The following JADE3 variants were observed in gnomAD, a reference collection of about 807,000 sequenced individuals.
JADE3 encodes protein Jade-3.
Under a neutral mutation model 50.1 loss-of-function variants are expected in JADE3, and 2 were observed. That is an observed-to-expected ratio of 0.04 (90% CI 0.02 to 0.13). The LOEUF (loss-of-function observed/expected upper bound fraction) is 0.13, where lower values mean the gene tolerates loss of function less well. Among genes scored for constraint, JADE3 ranks in the 10% least tolerant of loss-of-function variants. The pLI is 1.00. For synonymous variants in JADE3, 218 were observed against 232.9 expected (o/e 0.94, Z 0.58); for missense variants, 475 against 634.4 (o/e 0.75, Z 2.70).
At chrX:47,029,242 T>C (rs1928967974) in intron 6 of JADE3, among the ~76,000 whole-genome samples, 1 of 112,077 alleles carries the variant, frequency 8.9e-6, no homozygotes, top group Admixed American at 9.5e-5. Context: ...AGGGACAACT[T>C]CCAGGAGGTA....
intron 1 of JADE3, among the ~76,000 whole-genome samples, chrX:46,977,968 TG>T (rs1192572196): frequency 5.4e-5 from 6 of 111,194 alleles, no homozygotes; most frequent in African/African-American, 1.6e-4. Context: ...CAGGATTGGG[TG>T]GGGGCAGCAC....
chrX:46,920,909 T>TA (rs1421053661), intron 1 of JADE3, among the ~76,000 whole-genome samples: 1 of 112,043 alleles, frequency 8.9e-6, no homozygotes, highest in Admixed American at 9.4e-5. Flanking sequence ...TCTGGCTTTT[T>TA]AAAATCTTTC....
chrX:46,934,684 C>T (rs964071949), intron 1 of JADE3, among the ~76,000 whole-genome samples: 20 of 109,674 alleles, frequency 1.8e-4, no homozygotes, highest in Non-Finnish European at 3.6e-4. Flanking sequence ...ATCCAACTAC[C>T]TCGGCCTCCC....
rs782379189 is a variant in JADE3 at position 47,024,874 on chromosome X, C to A, written c.435C>A (p.Ile145=). 1.4e-5 allele frequency: 17 copies of A among 1,201,323 alleles called. No individual in the cohort carries two copies. The highest frequency in any genetic ancestry group is 1.9e-5 in the Non-Finnish European group (17 of 886,855). ...VCRYDLDDMD[I]FWLQELNEDL... Reference sequence around the variant, plus strand: ...GCTATGACCTAGATGACATGGACATCTTCTGGCTTCAGGAACTCAATGAAG... The same window carrying A: ...GCTATGACCTAGATGACATGGACATATTCTGGCTTCAGGAACTCAATGAAG... The change falls in exon 5 of 11, where the codon ATC becomes ATA. Residue 145 remains isoleucine (I), a synonymous_variant. Transcript: ENST00000614628.
At chrX:46,969,927 G>A (rs1239370007) in intron 1 of JADE3, among the ~76,000 whole-genome samples, 1 of 112,050 alleles carries the variant, frequency 8.9e-6, no homozygotes, top group Non-Finnish European at 1.9e-5. Context: ...GGCCTCAAAT[G>A]AATAATCTAA....
chrX:46,979,357 G>A lies in JADE3; in HGVS notation c.-11-5527G>A, dbSNP rs147219952. 7.6e-3 allele frequency among the ~76,000 whole-genome samples: 856 copies of A among 112,286 alleles called. 5 individuals carry two copies. The highest frequency in any genetic ancestry group is 0.011 in the Non-Finnish European group (597 of 53,288). Reference sequence around the variant, plus strand: ...TACACATACCCAGAACTTCAGATGAGAGGAGTATCCATCTCACAAGAAGTC... The same window carrying A: ...TACACATACCCAGAACTTCAGATGAAAGGAGTATCCATCTCACAAGAAGTC... On this transcript the variant is annotated intron_variant, in intron 1 of 10. Transcript: ENST00000614628.
intron 3 of JADE3, among the ~76,000 whole-genome samples, chrX:46,996,330 C>T (rs782246606): frequency 4.5e-5 from 5 of 112,319 alleles, no homozygotes; most frequent in South Asian, 7.3e-4. Context: ...CCACTGCACC[C>T]GGCCAGGTTT....
chrX:47,003,064 A>AT (rs781804780), intron 4 of JADE3, among the ~76,000 whole-genome samples: 34 of 110,731 alleles, frequency 3.1e-4, no homozygotes, highest in African/African-American at 8.9e-4. Context: ...TGATCAGGTG[A>AT]TTTTTTTTCT....
intron 1 of JADE3, among the ~76,000 whole-genome samples, chrX:46,964,122 C>T (rs1285158995): frequency 8.9e-6 from 1 of 112,133 alleles, no homozygotes; most frequent in Admixed American, 9.4e-5. Context: ...TGTTTTGAAG[C>T]TTGGATGCTC....
rs1556365899 is a variant in JADE3, at chrX:47,027,951, T to A, written c.535T>A (p.Cys179Ser). ...EKTVEVLERH[C>S]HENMNHAIET... Reference sequence around the variant, plus strand: ...GACAGTAGAAGTCCTGGAACGCCATTGCCATGAAAATATGAACCATGCTAT... The same window carrying A: ...GACAGTAGAAGTCCTGGAACGCCATAGCCATGAAAATATGAACCATGCTAT... The change falls in exon 6 of 11, where the codon TGC becomes AGC. Residue 179 changes from cysteine (C) to serine (S), a missense_variant. Cys to Ser is a moderately radical substitution (Grantham distance 112). This residue lies in a region of JADE3 where 54 missense variants were observed against 156.2 expected (regional missense o/e 0.35). Coordinates refer to ENST00000614628, the MANE Select transcript of JADE3 (RefSeq NM_014735.5). The A allele has an allele frequency of 8.3e-7, 1 of 1,210,547 alleles. No individual in the cohort carries two copies. The highest frequency in any genetic ancestry group is 1.1e-6 in the Non-Finnish European group (1 of 894,655).
At position 47,027,804 on chromosome X, in the gene JADE3, C is replaced by G; in HGVS notation, c.476-88C>G. On this transcript the variant is annotated intron_variant, in intron 5 of 10. Coordinates refer to ENST00000614628, the MANE Select transcript of JADE3 (RefSeq NM_014735.5). ...AGAGATGTTTTTATCCTTTAGAATC[C>G]TACCCACTCCTGCACTGGGCTCACA... The G allele has an allele frequency of 5.4e-6, 4 of 740,856 alleles. No homozygotes were observed. The South Asian group carries it at 7.4e-5, about 14-fold the overall frequency. 61.1% of individuals were successfully genotyped at this position (740,856 alleles called of 1,213,427 possible). A position where few individuals can be genotyped will look rare whatever the true frequency, so the allele number is the denominator to read the frequency against.
intron 3 of JADE3, among the ~76,000 whole-genome samples, 155 bp downstream of exon 3, chrX:46,985,947 C>T (rs1927852254): frequency 9.0e-6 from 1 of 111,326 alleles, no homozygotes; most frequent in African/African-American, 3.3e-5. Context: ...AGATTAATGC[C>T]CTCCCAGAGC....
At chrX:47,051,067 T>A (rs934792569) in intron 8 of JADE3, among the ~76,000 whole-genome samples, 9 of 110,274 alleles carry the variant, frequency 8.2e-5, no homozygotes, top group Non-Finnish European at 1.3e-4. Flanking sequence ...GAGCTTCTTA[T>A]CTGGAAGAAT....
At chrX:46,980,879 G>A (rs981606193) in intron 1 of JADE3, among the ~76,000 whole-genome samples, 4 of 111,206 alleles carry the variant, frequency 3.6e-5, no homozygotes, top group Non-Finnish European at 7.5e-5. Flanking sequence ...ACATTATCCT[G>A]GATTATCTGG....
At chrX:47,004,540 C>T (rs1409038654) in intron 4 of JADE3, among the ~76,000 whole-genome samples, 1 of 112,091 alleles carries the variant, frequency 8.9e-6, no homozygotes, top group Non-Finnish European at 1.9e-5. Flanking sequence ...AAGCAATCTT[C>T]CCACCTCAGC....
intron 7 of JADE3, among the ~76,000 whole-genome samples, chrX:47,035,082 A>G: frequency 9.1e-6 from 1 of 109,918 alleles, no homozygotes; most frequent in Non-Finnish European, 1.9e-5. Context: ...GGGCTTGAAG[A>G]CATTTCTTCT....
At chrX:47,041,771 G>A (rs1556369745) in intron 8 of JADE3, among the ~76,000 whole-genome samples, 1 of 108,730 alleles carries the variant, frequency 9.2e-6, no homozygotes, top group African/African-American at 3.4e-5. Context: ...TGCCTCCTGG[G>A]TTCAAGTGAT....
rs182535675 is a variant in JADE3, at chrX:46,971,138, G to A, written c.-11-13746G>A. Among the ~76,000 whole-genome samples, 4 of 91,856 alleles carry A rather than the reference G, an allele frequency of 4.4e-5. No homozygotes were observed. The East Asian group carries it at 1.0e-3, about 23-fold the overall frequency. The allele number at this position is 91,856 out of a possible 115,157, so 79.8% of individuals were successfully genotyped here. ...TTTTTTTTTTTTTTTTTTTTGAAAC[G>A]GAGTTTCACTATTGTTGCCCAGGCT... On this transcript the variant is annotated intron_variant, in intron 1 of 10. Transcript: ENST00000614628.
rs1235264641 is a variant in JADE3, at chrX:46,988,211, T to C, written c.126+2419T>C. Among the ~76,000 whole-genome samples the C allele has an allele frequency of 3.6e-5, 4 of 111,864 alleles. No individual in the cohort carries two copies. In the East Asian group the frequency reaches 1.1e-3, roughly 31 times the overall value. On this transcript the variant is annotated intron_variant, in intron 3 of 10. Transcript: ENST00000614628. ...AATTAGTATTTCCAAGAAAAGTGCC[T>C]GGGATCTGGATTTTAAAAAGTGACT... is the stretch of plus-strand genomic sequence containing the variant.
Sources: allele counts gnomAD v4.1 joint callset (sites outside exome capture counted in the v4.1 genomes callset), GRCh38; gene constraint gnomAD v4.1.1; regional missense constraint gnomAD v4.1.1; transcripts MANE v1.5; gene names NCBI Gene and HGNC (gene_info 2026-07-23, HGNC 2026-07-21).